Variants in SIPA1L3 observed in about 807,000 individuals in gnomAD.
SIPA1L3 encodes the protein signal induced proliferation associated 1 like 3, also known as signal-induced proliferation-associated 1-like protein 3.
In SIPA1L3, 59 loss-of-function variants were observed where a neutral mutation model predicts 150.1. The ratio of observed to expected loss-of-function variants is 0.39; its 90% CI spans 0.32 to 0.49. The LOEUF (loss-of-function observed/expected upper bound fraction) is 0.49, where lower values mean the gene tolerates loss of function less well. SIPA1L3 is among the 20% of genes least tolerant of loss of function. The pLI is 0.86. For missense variants in SIPA1L3, 2,211 were observed against 2,489.5 expected, an observed-to-expected ratio of 0.89 and a Z score of 2.38; for synonymous variants, 1,070 against 1,077.6, an observed-to-expected ratio of 0.99 and a Z score of 0.14.
At chr19:38,172,414 TCTC>T (rs1478993061) in intron 15 of SIPA1L3, among the ~76,000 whole-genome samples, 3 of 152,110 alleles carry the variant, frequency 2.0e-5, no homozygotes, top group Non-Finnish European at 4.4e-5. Context: ...GAGCTGTCAT[TCTC>T]CTGGAGACAG....
At chr19:37,909,300 C>T (rs55813548) in intron 1 of SIPA1L3, among the ~76,000 whole-genome samples, 40,970 of 151,996 alleles carry the variant, frequency 0.27, 6,327 homozygotes, top group Non-Finnish European at 0.36. Flanking sequence ...CTCCGTCTCC[C>T]GGGTTCAAGC....
chr19:38,195,606 C>T (rs1195536361), intron 18 of SIPA1L3, among the ~76,000 whole-genome samples: 1 of 152,200 alleles, frequency 6.6e-6, no homozygotes, highest in Non-Finnish European at 1.5e-5. Flanking sequence ...TCAGTCACTG[C>T]AAAGGACGGG....
chr19:38,103,830 A>G (rs1413162513), intron 6 of SIPA1L3, among the ~76,000 whole-genome samples: 1 of 146,938 alleles, frequency 6.8e-6, no homozygotes, highest in Non-Finnish European at 1.5e-5. Flanking sequence ...TGAACCCGCA[A>G]GGTGGAGCTT....
chr19:38,109,535 G>A (rs1396132039), intron 7 of SIPA1L3: 1 of 152,352 alleles, frequency 6.6e-6, no homozygotes, highest in East Asian at 1.9e-4. Context: ...ACCTCAGTCA[G>A]GGTCCAGGGA....
chr19:37,988,994 A>G (rs548806997), intron 1 of SIPA1L3, among the ~76,000 whole-genome samples: 2 of 152,268 alleles, frequency 1.3e-5, no homozygotes, highest in East Asian at 3.9e-4. Flanking sequence ...ACCTCCAAAC[A>G]AAAACAGATT....
chr19:38,164,381 G>T lies in SIPA1L3; in HGVS notation c.3781-98G>T, dbSNP rs1972158367. The T allele has an allele frequency of 5.2e-6, 6 of 1,149,846 alleles. No individual in the cohort carries two copies. The East Asian group carries it at 1.4e-4, about 27-fold the overall frequency. 71.2% of individuals were successfully genotyped at this position (1,149,846 alleles called of 1,614,324 possible). The stretch of plus-strand genomic sequence containing the variant: ...GAGAAGCCAGGATTTGAAGCTGTCT[G>T]GTCCCAGGGTTCAGGCCCAGGCAGA... On this transcript the variant is annotated intron_variant, in intron 14 of 21. Coordinates refer to ENST00000222345, the MANE Select transcript of SIPA1L3 (RefSeq NM_015073.3). The surrounding 1 kb of genome is among the most constrained non-coding windows in gnomAD (Gnocchi z 4.1).
rs533046258 is a variant in SIPA1L3 at position 38,030,449 on chromosome 19, C to T, written c.-311+1293C>T. On this transcript the variant is annotated intron_variant, in intron 2 of 21. Transcript: ENST00000222345. ...TGGTGATGCACACTTGTAGTTCCAG[C>T]TACACTGGGGCTAAAGTGGAGGGTC... 1.1e-3 allele frequency among the ~76,000 whole-genome samples: 172 copies of T among 152,032 alleles called. 1 individual carries two copies. Among genetic ancestry groups the T allele is most frequent in the African/African-American group, 3.9e-3 (160 of 41,390 alleles).
chr19:38,053,758 G>C (rs531020591), intron 2 of SIPA1L3, among the ~76,000 whole-genome samples: 1 of 151,840 alleles, frequency 6.6e-6, no homozygotes, highest in Admixed American at 6.6e-5. Context: ...TAGAGACAGG[G>C]TCTCACTTTC....
Position 38,152,978 on chromosome 19 carries a change from C to A in SIPA1L3, c.3661+11C>A. The A allele has an allele frequency of 1.2e-6, 2 of 1,610,560 alleles. No individual in the cohort carries two copies. Among genetic ancestry groups the A allele is most frequent in the Non-Finnish European group, 1.7e-6 (2 of 1,178,800 alleles). ...AACGCCAGAAGCCAGGTAGGGCCCC[C>A]ACCAGCTGCTGCGCCCACCCGCCTG... is the stretch of plus-strand genomic sequence containing the variant. On this transcript the variant is annotated intron_variant, in intron 13 of 21. Transcript: ENST00000222345.
intron 1 of SIPA1L3, among the ~76,000 whole-genome samples, chr19:37,999,676 A>G (rs992476527): frequency 1.3e-5 from 2 of 152,228 alleles, no homozygotes; most frequent in African/African-American, 4.8e-5. Flanking sequence ...TTTCTTGGGT[A>G]GCCCAGTGGG....
intron 2 of SIPA1L3, among the ~76,000 whole-genome samples, chr19:38,063,261 C>T (rs540052219): frequency 6.6e-6 from 1 of 152,212 alleles, no homozygotes; most frequent in East Asian, 1.9e-4. Context: ...AGCACCTGCA[C>T]CGCCCCCGCC....
intron 8 of SIPA1L3, among the ~76,000 whole-genome samples, chr19:38,114,492 GC>G (rs1197343357): frequency 6.6e-6 from 1 of 151,616 alleles, no homozygotes; most frequent in Non-Finnish European, 1.5e-5. Context: ...CAATCTGACT[GC>G]CCCATTCAGT....
chr19:38,062,379 G>A (rs1416876032), intron 2 of SIPA1L3, among the ~76,000 whole-genome samples: 1 of 152,174 alleles, frequency 6.6e-6, no homozygotes, highest in Non-Finnish European at 1.5e-5. Context: ...CTCACTGGGT[G>A]CTCTTCAACA....
intron 2 of SIPA1L3, among the ~76,000 whole-genome samples, chr19:38,061,090 C>G (rs1034179374): frequency 6.6e-6 from 1 of 152,296 alleles, no homozygotes; most frequent in Non-Finnish European, 1.5e-5. Context: ...AACCAAATCC[C>G]TTGTAATATT....
At position 38,176,990 on chromosome 19, in the gene SIPA1L3, C is replaced by A. The variant is rs576581836; in HGVS notation, c.4209-5529C>A. ...CCGTCTCAAAAAAACAAACAAACAA[C>A]AAAAAAACAAACAAACAAACAAAAA... On this transcript the variant is annotated intron_variant, in intron 15 of 21. Coordinates refer to ENST00000222345, the MANE Select transcript of SIPA1L3 (RefSeq NM_015073.3). 2.1e-3 allele frequency among the ~76,000 whole-genome samples: 318 copies of A among 151,200 alleles called. 1 individual carries two copies. Among genetic ancestry groups the A allele is most frequent in the African/African-American group, 7.3e-3 (301 of 41,332 alleles).
intron 4 of SIPA1L3, among the ~76,000 whole-genome samples, chr19:38,090,279 G>A (rs1251588541): frequency 1.3e-5 from 2 of 149,128 alleles, no homozygotes; most frequent in African/African-American, 2.5e-5. Flanking sequence ...GCAGTGAGCT[G>A]AGATCGCGCC....
At chr19:38,154,560 G>C (rs1971899331) in intron 13 of SIPA1L3, among the ~76,000 whole-genome samples, 1 of 152,058 alleles carries the variant, frequency 6.6e-6, no homozygotes, top group South Asian at 2.1e-4. Flanking sequence ...CAATTCTCCT[G>C]CTTCAGCCTC....
intron 17 of SIPA1L3, among the ~76,000 whole-genome samples, chr19:38,192,762 C>T (rs1178755272): frequency 6.6e-6 from 1 of 152,160 alleles, no homozygotes; most frequent in Non-Finnish European, 1.5e-5. Flanking sequence ...CCCTCCCAGC[C>T]AGGCCTGCCC....
Position 38,088,967 on chromosome 19 carries a change from C to T in SIPA1L3, c.1665+116C>T, listed in dbSNP as rs964135864. 17 of 1,110,218 alleles carry T rather than the reference C, an allele frequency of 1.5e-5. 1 individual carries two copies. The highest frequency in any genetic ancestry group is 2.5e-4 in the Middle Eastern group (1 of 3,998). The allele number at this position is 1,110,218 out of a possible 1,614,324, so 68.8% of individuals were successfully genotyped here. On this transcript the variant is annotated intron_variant, in intron 4 of 21. Transcript: ENST00000222345. ...TCTCATGGAATCCTCCCAACAACCC[C>T]GGGAGAGCAATCCTGTTAGTCTCTC...
Sources: allele counts gnomAD v4.1 joint callset (sites outside exome capture counted in the v4.1 genomes callset), GRCh38; gene constraint gnomAD v4.1.1; non-coding constraint Gnocchi (gnomAD v3.1); transcripts MANE v1.5; gene names NCBI Gene and HGNC (gene_info 2026-07-23, HGNC 2026-07-21).